Variants in PUDP observed in about 807,000 individuals in gnomAD.
PUDP encodes pseudouridine-5'-phosphatase.
In PUDP, 8 loss-of-function variants were observed where a neutral mutation model predicts 9.4. That is an observed-to-expected ratio of 0.85 (90% CI 0.50 to 1.53). PUDP has a LOEUF of 1.53. Among genes scored for constraint, PUDP ranks in the 40% most tolerant of loss-of-function variants. The pLI, the probability that PUDP is intolerant of heterozygous loss-of-function variation, is 0.00. For missense variants in PUDP, 188 were observed against 189.7 expected (o/e 0.99, Z 0.05); for synonymous variants, 99 against 80.7 (o/e 1.23, Z -1.22).
intron 3 of PUDP, among the ~76,000 whole-genome samples, chrX:7,057,306 A>G (rs1020070985): frequency 9.0e-6 from 1 of 111,224 alleles, no homozygotes; most frequent in Admixed American, 9.5e-5. Flanking sequence ...CTTAAACCCC[A>G]GACAGGGATT....
intron 3 of PUDP, among the ~76,000 whole-genome samples, chrX:6,768,384 T>C (rs778110028): frequency 8.9e-6 from 1 of 112,445 alleles, no homozygotes; most frequent in African/African-American, 3.2e-5. Flanking sequence ...TTTAAGAACA[T>C]GCAGTTGAAG....
chrX:6,748,705 TAGG>T (rs1925029408), intron 3 of PUDP, among the ~76,000 whole-genome samples: 1 of 112,141 alleles, frequency 8.9e-6, no homozygotes, highest in Middle Eastern at 4.7e-3. Context: ...AGGTTGCATT[TAGG>T]AGGTCATTGA....
At chrX:6,951,280 ATCT>A (rs1928555329) in intron 3 of PUDP, among the ~76,000 whole-genome samples, 2 of 104,830 alleles carry the variant, frequency 1.9e-5, no homozygotes, top group African/African-American at 7.8e-5. Context: ...TATCTAATCT[ATCT>A]ATCCATCCAT....
intron 3 of PUDP, among the ~76,000 whole-genome samples, chrX:6,778,584 T>C (rs1427211917): frequency 1.8e-5 from 2 of 112,438 alleles, no homozygotes; most frequent in Non-Finnish European, 1.9e-5. Flanking sequence ...GATGCAGTAC[T>C]TGAGGAAATG....
At chrX:7,055,827 C>T (rs1261049353) in intron 3 of PUDP, among the ~76,000 whole-genome samples, 1 of 112,024 alleles carries the variant, frequency 8.9e-6, no homozygotes, top group Non-Finnish European at 1.9e-5. Flanking sequence ...ATATTTTGCA[C>T]AAATAAAATT....
intron 1 of PUDP, among the ~76,000 whole-genome samples, chrX:7,129,050 A>G (rs1932553957): frequency 8.9e-6 from 1 of 111,980 alleles, no homozygotes; most frequent in African/African-American, 3.3e-5. Context: ...AAGCTAAAAC[A>G]TAGTCCTCAT....
At chrX:6,798,122 T>C in intron 3 of PUDP, among the ~76,000 whole-genome samples, 1 of 112,145 alleles carries the variant, frequency 8.9e-6, no homozygotes, top group Non-Finnish European at 1.9e-5. Context: ...GGGTAATTTA[T>C]AAAGGAAAGA....
chrX:6,773,956 T>G (rs1376857577), intron 3 of PUDP, among the ~76,000 whole-genome samples: 1 of 111,370 alleles, frequency 9.0e-6, no homozygotes, highest in Non-Finnish European at 1.9e-5. Flanking sequence ...CTGGCCAACA[T>G]GGTGAAACCC....
chrX:6,841,578 G>A (rs1049655121), intron 3 of PUDP, among the ~76,000 whole-genome samples: 1 of 111,004 alleles, frequency 9.0e-6, no homozygotes. Flanking sequence ...TCCAGCTTGG[G>A]TGAGAGTGAG....
chrX:6,941,740 A>G (rs1255754977), intron 3 of PUDP, among the ~76,000 whole-genome samples: 1 of 111,700 alleles, frequency 9.0e-6, no homozygotes, highest in Non-Finnish European at 1.9e-5. Context: ...TGCTGTATTT[A>G]TTTAAGGTAT....
At chrX:6,753,228 T>C (rs1925127499) in intron 3 of PUDP, among the ~76,000 whole-genome samples, 2 of 111,991 alleles carry the variant, frequency 1.8e-5, no homozygotes, top group Admixed American at 9.5e-5. Flanking sequence ...TATGGTTTGG[T>C]TTTCCATTCC....
chrX:7,092,812 T>C (rs1931463109), intron 2 of PUDP, among the ~76,000 whole-genome samples: 1 of 111,162 alleles, frequency 9.0e-6, no homozygotes, highest in Non-Finnish European at 1.9e-5. Flanking sequence ...CTGATAAGAG[T>C]GTATGATTCT....
Position 6,853,773 on chromosome X carries a change from T to A in PUDP, c.*247+123360A>T, listed in dbSNP as rs984798694. Among the ~76,000 whole-genome samples the A allele has an allele frequency of 2.7e-5, 3 of 111,153 alleles. No homozygotes were observed. The East Asian group carries it at 8.4e-4, about 31-fold the overall frequency. On this transcript the variant is annotated intron_variant and NMD_transcript_variant, in intron 3 of 3. Coordinates refer to the PUDP transcript ENST00000655425. ...TCTTTTACAGAGCATGTTTTTAAAT[T>A]TTTTTTTAAGGCAATGTTTCTGTCT... is the stretch of plus-strand genomic sequence containing the variant.
rs985876406 is a variant in PUDP, at chrX:6,874,682, T to C, written c.*247+102451A>G. On this transcript the variant is annotated intron_variant and NMD_transcript_variant, in intron 3 of 3. Transcript: ENST00000655425. Reference sequence around the variant, plus strand: ...CTGTTAAGTGAAAACAAGAAGTGTATCCTCTCTTCTGACTAGGTGTGTTGC... The same window carrying C: ...CTGTTAAGTGAAAACAAGAAGTGTACCCTCTCTTCTGACTAGGTGTGTTGC... Among the ~76,000 whole-genome samples, 5 of 112,498 alleles carry C rather than the reference T, an allele frequency of 4.4e-5. No individual in the cohort carries two copies. The Admixed American group carries it at 4.7e-4, about 11-fold the overall frequency.
chrX:7,098,023 G>A (rs1277098190), intron 2 of PUDP, among the ~76,000 whole-genome samples: 1 of 110,800 alleles, frequency 9.0e-6, no homozygotes, highest in Non-Finnish European at 1.9e-5. Flanking sequence ...CAGGGATGGA[G>A]AACGACCTTA....
At chrX:7,014,835 G>A (rs1216172857) in intron 1 of PUDP, among the ~76,000 whole-genome samples, 15 of 111,736 alleles carry the variant, frequency 1.3e-4, no homozygotes, top group Non-Finnish European at 2.6e-4. Flanking sequence ...ACCCAACCTG[G>A]AGCCTTTAGT....
intron 3 of PUDP, among the ~76,000 whole-genome samples, chrX:6,772,176 A>G (rs1925374569): frequency 1.8e-5 from 2 of 112,439 alleles, no homozygotes. Flanking sequence ...CTCATTTATT[A>G]GCACAATTTG....
At chrX:6,734,018 T>A (rs1924844816) in intron 3 of PUDP, among the ~76,000 whole-genome samples, 2 of 110,551 alleles carry the variant, frequency 1.8e-5, no homozygotes, top group African/African-American at 3.3e-5. Flanking sequence ...CCTCAAATGA[T>A]CTGCCCACCT....
At chrX:6,779,701 G>C (rs973075532) in intron 3 of PUDP, among the ~76,000 whole-genome samples, 1 of 111,625 alleles carries the variant, frequency 9.0e-6, no homozygotes, top group Non-Finnish European at 1.9e-5. Flanking sequence ...AGGACCAAGC[G>C]GGTGGATCTC....
Sources: allele counts gnomAD v4.1 joint callset (sites outside exome capture counted in the v4.1 genomes callset), GRCh38; gene constraint gnomAD v4.1.1; transcripts MANE v1.5; gene names NCBI Gene and HGNC (gene_info 2026-07-23, HGNC 2026-07-21).